PTPN11: variants seen among roughly 807,000 people sequenced by gnomAD.
The protein encoded by PTPN11 is tyrosine-protein phosphatase non-receptor type 11.
A neutral mutation model predicts 78.8 loss-of-function variants in PTPN11; 6 were observed. That is an observed-to-expected ratio of 0.08 (90% CI 0.04 to 0.15). The LOEUF (loss-of-function observed/expected upper bound fraction) is 0.15. Among genes scored for constraint, PTPN11 ranks in the 10% least tolerant of loss-of-function variants. The pLI, the probability that PTPN11 is intolerant of heterozygous loss-of-function variation, is 1.00. For synonymous variants in PTPN11, 221 were observed against 263.5 expected (o/e 0.84, Z 1.56); for missense variants, 386 against 744.8 (o/e 0.52, Z 5.61).
At chr12:112,452,181 A>G (rs2038088023) in intron 3 of PTPN11, among the ~76,000 whole-genome samples, 1 of 151,782 alleles carries the variant, frequency 6.6e-6, no homozygotes, top group South Asian at 2.1e-4. Flanking sequence ...TGTCTCTATT[A>G]CAACTTTTTA....
intron 1 of PTPN11, among the ~76,000 whole-genome samples, chr12:112,430,080 G>A (rs2037688653): frequency 6.6e-6 from 1 of 151,570 alleles, no homozygotes; most frequent in South Asian, 2.1e-4. Flanking sequence ...GAGTGCAGTG[G>A]CACCATCTCG....
Position 112,450,519 on chromosome 12 carries a change from A to T in PTPN11, c.332+7A>T, listed in dbSNP as rs2038065727. The T allele has an allele frequency of 1.9e-6, 3 of 1,613,144 alleles. No individual in the cohort carries two copies. Among genetic ancestry groups the T allele is most frequent in the Non-Finnish European group, 2.5e-6 (3 of 1,179,124 alleles). On this transcript the variant is annotated splice_region_variant and intron_variant, in intron 3 of 15. Coordinates refer to ENST00000351677, the MANE Select transcript of PTPN11 (RefSeq NM_002834.5). Reference sequence around the variant, plus strand: ...CAGATCCTACCTCTGAAAGGTCAGTAACATTTTAGTGACCACAAAGTCTGC... The same window carrying T: ...CAGATCCTACCTCTGAAAGGTCAGTTACATTTTAGTGACCACAAAGTCTGC...
chr12:112,471,869 C>T (rs2038423986), intron 6 of PTPN11, among the ~76,000 whole-genome samples: 2 of 152,200 alleles, frequency 1.3e-5, no homozygotes, highest in South Asian at 4.1e-4. Flanking sequence ...TCTCGTGCCT[C>T]AGCCTCCCGA....
chr12:112,434,582 T>G (rs2037761076), intron 1 of PTPN11, among the ~76,000 whole-genome samples: 2 of 148,004 alleles, frequency 1.4e-5, no homozygotes, highest in Non-Finnish European at 3.0e-5. Context: ...CATTCCAGCC[T>G]GGCGACAGAG....
intron 5 of PTPN11, among the ~76,000 whole-genome samples, chr12:112,455,693 C>T (rs911672389): frequency 1.3e-5 from 2 of 152,026 alleles, no homozygotes; most frequent in Non-Finnish European, 2.9e-5. Context: ...GTGGTCTATT[C>T]ATAAAGAAAA....
intron 1 of PTPN11, among the ~76,000 whole-genome samples, chr12:112,430,543 C>G (rs1365530498): frequency 2.6e-5 from 4 of 152,054 alleles, no homozygotes; most frequent in Non-Finnish European, 4.4e-5. Flanking sequence ...ATCCTCCCGT[C>G]TCAGCCTCTA....
chr12:112,419,340 C>T (rs990482008), intron 1 of PTPN11, among the ~76,000 whole-genome samples: 1 of 152,152 alleles, frequency 6.6e-6, no homozygotes, highest in Non-Finnish European at 1.5e-5. Flanking sequence ...TTCCTGCCTC[C>T]CCGAGTTCCG....
Position 112,454,441 on chromosome 12 carries a change from C to T in PTPN11, c.526-123C>T. 5.0e-6 allele frequency: 4 copies of T among 799,452 alleles called. No individual in the cohort carries two copies. In the South Asian group the frequency reaches 5.7e-5, roughly 11 times the overall value. The allele number at this position is 799,452 out of a possible 1,614,324, so 49.5% of individuals were successfully genotyped here. On this transcript the variant is annotated intron_variant, in intron 4 of 15. Transcript: ENST00000351677. ...AGCCTATTATCTGTCTTTTGATGGA[C>T]ATTTAAGTTGTCTCTATATACTAGC... is the stretch of plus-strand genomic sequence containing the variant.
chr12:112,504,934 T>C lies in PTPN11; in HGVS notation c.*32+138T>C. The C allele has an allele frequency of 1.6e-6, 1 of 625,426 alleles. No homozygotes were observed. The highest frequency in any genetic ancestry group is 2.9e-6 in the Non-Finnish European group (1 of 346,960). 38.7% of individuals were successfully genotyped at this position (625,426 alleles called of 1,614,324 possible). On this transcript the variant is annotated intron_variant, in intron 15 of 15. Coordinates refer to ENST00000351677, the MANE Select transcript of PTPN11 (RefSeq NM_002834.5). The surrounding 1 kb of genome is among the most constrained non-coding windows in gnomAD (Gnocchi z 4.7). ...AAACCAGGCTCCTTTTTCCTCTCCC[T>C]GTACTTCTTTTTCCAAGATGGTTTT...
At chr12:112,473,084 T>G (rs532605873) in intron 7 of PTPN11, 44 bp downstream of exon 7, 10 of 1,471,262 alleles carry the variant, frequency 6.8e-6, no homozygotes, top group Non-Finnish European at 9.5e-6. Flanking sequence ...TCTTGGAGAT[T>G]TTGATTCCTA....
chr12:112,442,491 C>A (rs2037909029), intron 1 of PTPN11, among the ~76,000 whole-genome samples: 1 of 151,762 alleles, frequency 6.6e-6, no homozygotes, highest in Non-Finnish European at 1.5e-5. Flanking sequence ...ATTGCTCCAT[C>A]ACCCAGGCTG....
At chr12:112,488,339 C>T (rs1592854020) in intron 11 of PTPN11, 104 bp from the exon 12 acceptor site, 2 of 999,964 alleles carry the variant, frequency 2.0e-6, no homozygotes, top group South Asian at 2.5e-5. Flanking sequence ...ATAAATAGCT[C>T]CAAAGAGTAG....
intron 6 of PTPN11, among the ~76,000 whole-genome samples, chr12:112,460,829 C>A (rs189751472): frequency 3.0e-4 from 46 of 152,180 alleles, no homozygotes; most frequent in African/African-American, 1.0e-3. Context: ...AGACAGAGTG[C>A]GGCTTCATCT....
intron 2 of PTPN11, among the ~76,000 whole-genome samples, chr12:112,448,989 C>T (rs1298823021): frequency 4.0e-5 from 6 of 151,724 alleles, no homozygotes; most frequent in Non-Finnish European, 5.9e-5. Flanking sequence ...CGGGTTCAAG[C>T]GATTCTCCTG....
At chr12:112,494,710 T>C (rs2135922677) in intron 13 of PTPN11, among the ~76,000 whole-genome samples, 1 of 152,312 alleles carries the variant, frequency 6.6e-6, no homozygotes, top group Middle Eastern at 3.4e-3. Flanking sequence ...ACAGTGTTCT[T>C]TGAATTGCTA....
intron 12 of PTPN11, 91 bp from the exon 13 acceptor site, chr12:112,488,933 A>G: frequency 6.5e-7 from 1 of 1,526,824 alleles, no homozygotes; most frequent in Non-Finnish European, 9.1e-7. Context: ...CTAAATTAGC[A>G]TTGTCTCTGA....
chr12:112,498,798 A>G (rs1420866110), intron 13 of PTPN11, among the ~76,000 whole-genome samples: 1 of 152,364 alleles, frequency 6.6e-6, no homozygotes, highest in East Asian at 1.9e-4. Flanking sequence ...CTTGATCTAT[A>G]ACACAGCCTG....
chr12:112,427,495 G>C (rs892218394), intron 1 of PTPN11, among the ~76,000 whole-genome samples: 3 of 151,544 alleles, frequency 2.0e-5, no homozygotes, highest in Non-Finnish European at 4.4e-5. Context: ...GCAGTGAGCC[G>C]AGACTGTGCC....
chr12:112,462,596 G>T (rs887351508), intron 6 of PTPN11, among the ~76,000 whole-genome samples: 4 of 152,104 alleles, frequency 2.6e-5, no homozygotes, highest in Non-Finnish European at 5.9e-5. Context: ...TTTAGCCATA[G>T]TATAAAAAGT....
Sources: gnomAD v4.1 joint callset for allele counts (sites outside exome capture counted in the v4.1 genomes callset) on GRCh38, gnomAD v4.1.1 for gene constraint, Gnocchi (gnomAD v3.1) non-coding constraint, MANE v1.5 for transcripts, NCBI Gene and HGNC (gene_info 2026-07-23, HGNC 2026-07-21) for gene names.